Variants in CFAP70 observed in about 807,000 individuals in gnomAD.
CFAP70 encodes cilia- and flagella-associated protein 70.
CFAP70 carries 81 observed loss-of-function variants against 137.6 expected under a neutral mutation model. The ratio of observed to expected loss-of-function variants is 0.59; its 90% CI spans 0.49 to 0.71. The LOEUF (loss-of-function observed/expected upper bound fraction) is 0.71. Ranked by LOEUF, CFAP70 falls within the 30% of genes least tolerant of loss-of-function variation. The pLI, the probability that CFAP70 is intolerant of heterozygous loss-of-function variation, is 0.00. For synonymous variants in CFAP70, 382 were observed against 423.6 expected, an observed-to-expected ratio of 0.90 and a Z score of 1.20; for missense variants, 976 against 1,226.7, an observed-to-expected ratio of 0.80 and a Z score of 3.05.
intron 8 of CFAP70, among the ~76,000 whole-genome samples, chr10:73,328,694 C>T (rs370246999): frequency 6.9e-6 from 1 of 145,040 alleles, no homozygotes; most frequent in South Asian, 2.4e-4. Context: ...TGAACAGACA[C>T]TTCTCAAAAG....
intron 12 of CFAP70, among the ~76,000 whole-genome samples, chr10:73,300,196 AC>A (rs1332680539): frequency 2.0e-5 from 3 of 152,114 alleles, no homozygotes; most frequent in African/African-American, 7.2e-5. Context: ...TGAGTAAAAA[AC>A]CACATTTTGT....
intron 25 of CFAP70, among the ~76,000 whole-genome samples, chr10:73,266,853 C>T (rs1229799263): frequency 6.6e-6 from 1 of 152,010 alleles, no homozygotes; most frequent in African/African-American, 2.4e-5. Flanking sequence ...TTTGTTAATC[C>T]TATTATGTCC....
chr10:73,261,460 TAA>T (rs2045184273), intron 25 of CFAP70, among the ~76,000 whole-genome samples: 2 of 151,916 alleles, frequency 1.3e-5, no homozygotes, highest in East Asian at 3.9e-4. Flanking sequence ...CAAAGAGGAG[TAA>T]GTCACGTCTT....
chr10:73,262,985 C>A (rs1049757875), intron 25 of CFAP70, among the ~76,000 whole-genome samples: 1 of 152,168 alleles, frequency 6.6e-6, no homozygotes, highest in African/African-American at 2.4e-5. Context: ...CCTCTATAAC[C>A]ACAGTACAAT....
At chr10:73,354,377 C>T (rs1461438616) in intron 2 of CFAP70, among the ~76,000 whole-genome samples, 1 of 151,960 alleles carries the variant, frequency 6.6e-6, no homozygotes. Flanking sequence ...ATTTTTAGTA[C>T]ATCACATTGT....
chr10:73,324,016 C>T (rs982301823), intron 8 of CFAP70, among the ~76,000 whole-genome samples: 12 of 152,328 alleles, frequency 7.9e-5, no homozygotes, highest in Admixed American at 2.0e-4. Flanking sequence ...GATCTGAGAA[C>T]GGGCACACTG....
intron 3 of CFAP70, among the ~76,000 whole-genome samples, chr10:73,351,219 C>T (rs1589603132): frequency 6.9e-6 from 1 of 145,196 alleles, no homozygotes; most frequent in Non-Finnish European, 1.5e-5. Flanking sequence ...CCTGGGTTCT[C>T]GCCATTCTCC....
rs1309140454 is a variant in CFAP70 at position 73,351,067 on chromosome 10, GTGTGTATATATATA to G, written c.250+2475_250+2488del. The stretch of plus-strand genomic sequence containing the variant: ...TATATGTGTGTGTGTGTGTGTGTGT[GTGTGTATATATATA>G]TATATATATATATATATATATATAT... On this transcript the variant is annotated intron_variant, in intron 3 of 26. Transcript: ENST00000310715. Among the ~76,000 whole-genome samples, 582 of 64,002 alleles carry G rather than the reference GTGTGTATATATATA, an allele frequency of 9.1e-3. 6 individuals carry two copies. The highest frequency in any genetic ancestry group is 0.042 in the African/African-American group (538 of 12,916). 42.0% of individuals were successfully genotyped at this position (64,002 alleles called of 152,430 possible).
chr10:73,256,334 G>A, intron 26 of CFAP70, 35 bp downstream of exon 27: 1 of 1,612,702 alleles, frequency 6.2e-7, no homozygotes, highest in Non-Finnish European at 8.5e-7. Context: ...CCCTTAACAT[G>A]GGGCAGGCAA....
At chr10:73,321,296 T>C (rs1280771457) in intron 9 of CFAP70, among the ~76,000 whole-genome samples, 2 of 152,078 alleles carry the variant, frequency 1.3e-5, no homozygotes, top group Non-Finnish European at 2.9e-5. Flanking sequence ...CATGCACCTG[T>C]AATCCCAGCT....
chr10:73,322,913 A>C (rs560953912), intron 9 of CFAP70, 50 bp downstream of exon 10: 1 of 1,508,748 alleles, frequency 6.6e-7, no homozygotes, highest in South Asian at 1.3e-5. Flanking sequence ...AAGTAAACAG[A>C]TATATAAAGG....
chr10:73,290,472 T>C (rs1455199382), intron 19 of CFAP70, among the ~76,000 whole-genome samples: 1 of 152,248 alleles, frequency 6.6e-6, no homozygotes, highest in Non-Finnish European at 1.5e-5. Context: ...ATTATGTTGA[T>C]TGTGGTGATG....
intron 12 of CFAP70, among the ~76,000 whole-genome samples, chr10:73,305,679 T>G (rs1396848659): frequency 6.6e-6 from 1 of 152,188 alleles, no homozygotes; most frequent in Non-Finnish European, 1.5e-5. Flanking sequence ...AGTTACACCT[T>G]CAACAATAAA....
intron 12 of CFAP70, among the ~76,000 whole-genome samples, chr10:73,303,361 A>G (rs7901356): frequency 0.11 from 16,071 of 151,904 alleles, 1,221 homozygotes; most frequent in East Asian, 0.3. Context: ...GGGACTACAG[A>G]CGCCCGCCAC....
intron 19 of CFAP70, among the ~76,000 whole-genome samples, chr10:73,282,690 C>A (rs1369397494): frequency 2.0e-5 from 3 of 151,638 alleles, no homozygotes; most frequent in African/African-American, 7.3e-5. Context: ...TATGAGCCAC[C>A]ATGCCCAGCT....
chr10:73,262,671 T>G (rs1004212828), intron 25 of CFAP70, among the ~76,000 whole-genome samples: 2 of 152,138 alleles, frequency 1.3e-5, no homozygotes, highest in Admixed American at 6.5e-5. Flanking sequence ...TTTTTAATAA[T>G]TATTTTAAAA....
intron 4 of CFAP70, 74 bp from the exon 5 acceptor site, chr10:73,348,309 G>A (rs1564884549): frequency 1.3e-6 from 2 of 1,556,790 alleles, no homozygotes; most frequent in Non-Finnish European, 8.9e-7. Context: ...AGATAAATGT[G>A]CCTACTTTTC....
At chr10:73,344,981 T>G in intron 5 of CFAP70, 84 bp downstream of exon 6, 2 of 1,130,888 alleles carry the variant, frequency 1.8e-6, no homozygotes, top group Non-Finnish European at 2.6e-6. Flanking sequence ...ATGCTTTGAA[T>G]GAAATCTTAG....
At chr10:73,271,255 T>A (rs2046293283) in intron 24 of CFAP70, among the ~76,000 whole-genome samples, 1 of 152,208 alleles carries the variant, frequency 6.6e-6, no homozygotes, top group African/African-American at 2.4e-5. Flanking sequence ...CTCACGCCTG[T>A]AATCCCAGCA....
Sources: gnomAD v4.1 joint callset for allele counts (sites outside exome capture counted in the v4.1 genomes callset) on GRCh38, gnomAD v4.1.1 for gene constraint, MANE v1.5 for transcripts, NCBI Gene and HGNC (gene_info 2026-07-23, HGNC 2026-07-21) for gene names.